The following CSMD3 variants were observed in gnomAD, a reference collection of about 807,000 sequenced individuals.
CSMD3 encodes CUB and Sushi multiple domains 3, also known as CUB and sushi domain-containing protein 3.
Under a neutral mutation model 435.2 loss-of-function variants are expected in CSMD3, and 177 were observed. That is an observed-to-expected ratio of 0.41 (90% CI 0.36 to 0.46). The LOEUF (loss-of-function observed/expected upper bound fraction) is 0.46. Among genes scored for constraint, CSMD3 ranks in the 20% least tolerant of loss-of-function variants. The probability of loss-of-function intolerance (pLI) is 0.34; values close to 1 mark genes in which losing one functional copy is unlikely to be tolerated. For missense variants in CSMD3, 4,265 were observed against 4,504.6 expected (o/e 0.95, Z 1.52); for synonymous variants, 1,656 against 1,520.5 (o/e 1.09, Z -2.07).
chr8:112,630,967 CACACACACACA>C (rs2074498643), intron 22 of CSMD3, among the ~76,000 whole-genome samples: 1 of 149,836 alleles, frequency 6.7e-6, no homozygotes, highest in Non-Finnish European at 1.5e-5. Flanking sequence ...CACACACACA[CACACACACACA>C]CACACACTCC....
chr8:112,559,273 A>G (rs1828401089), intron 24 of CSMD3, among the ~76,000 whole-genome samples: 1 of 151,932 alleles, frequency 6.6e-6, no homozygotes. Context: ...AAAGTTTGAG[A>G]TATGGGAGAT....
chr8:112,849,611 A>G (rs1055624441), intron 11 of CSMD3, among the ~76,000 whole-genome samples: 6 of 151,910 alleles, frequency 3.9e-5, no homozygotes, highest in Non-Finnish European at 7.4e-5. Context: ...TTTTCAGGCT[A>G]TAGTGGAATG....
chr8:112,687,241 A>G (rs974002087), intron 14 of CSMD3, among the ~76,000 whole-genome samples: 11 of 151,964 alleles, frequency 7.2e-5, no homozygotes, highest in Non-Finnish European at 1.3e-4. Flanking sequence ...TCCTCCATTG[A>G]TAAGAAAAAT....
chr8:112,437,369 T>C (rs927536016), intron 32 of CSMD3, among the ~76,000 whole-genome samples: 1 of 152,144 alleles, frequency 6.6e-6, no homozygotes, highest in African/African-American at 2.4e-5. Context: ...GTTCAATGTA[T>C]ACTTATTTAC....
chr8:112,549,287 A>G (rs1477350643), intron 27 of CSMD3, among the ~76,000 whole-genome samples: 1 of 152,070 alleles, frequency 6.6e-6, no homozygotes, highest in Non-Finnish European at 1.5e-5. Context: ...ACAAATATGA[A>G]GAATATTTCA....
chr8:112,386,793 G>A (rs370704551), intron 36 of CSMD3, among the ~76,000 whole-genome samples: 60 of 152,216 alleles, frequency 3.9e-4, no homozygotes, highest in Non-Finnish European at 5.6e-4. Context: ...CACCGCGCCC[G>A]GCCCAACTAA....
chr8:112,237,098 T>A, intron 67 of CSMD3, 92 bp downstream of exon 67: 1 of 1,388,082 alleles, frequency 7.2e-7, no homozygotes, highest in Non-Finnish European at 1.0e-6. Context: ...AAATAAACAT[T>A]TCACCATATA....
At chr8:112,791,497 T>G (rs72680215) in intron 13 of CSMD3, among the ~76,000 whole-genome samples, 8,477 of 152,192 alleles carry the variant, frequency 0.056, 294 homozygotes, top group Middle Eastern at 0.088. Context: ...TCCTTCTCTT[T>G]TTCATCTGGC....
chr8:112,714,567 A>G (rs866169590), intron 13 of CSMD3, among the ~76,000 whole-genome samples: 1 of 152,218 alleles, frequency 6.6e-6, no homozygotes. Context: ...GCTCTGGATC[A>G]GGTGGACCTA....
chr8:113,257,135 G>A (rs562392981), intron 3 of CSMD3, among the ~76,000 whole-genome samples: 9 of 152,168 alleles, frequency 5.9e-5, no homozygotes, highest in East Asian at 5.8e-4. Context: ...CGGGCCGGGC[G>A]CAGTGGCTCA....
intron 3 of CSMD3, among the ~76,000 whole-genome samples, chr8:113,232,067 AC>A (rs1279620331): frequency 6.6e-6 from 1 of 151,562 alleles, no homozygotes; most frequent in East Asian, 1.9e-4. Context: ...AAGAATTTAT[AC>A]CCTTGAAATT....
At chr8:112,400,659 A>G (rs534902924) in intron 35 of CSMD3, among the ~76,000 whole-genome samples, 2 of 152,098 alleles carry the variant, frequency 1.3e-5, no homozygotes, top group South Asian at 4.1e-4. Context: ...CTGAAGTGGA[A>G]TATCAGTAAT....
chr8:113,014,348 T>G (rs1266038353), intron 6 of CSMD3, among the ~76,000 whole-genome samples: 2 of 152,070 alleles, frequency 1.3e-5, no homozygotes, highest in Non-Finnish European at 2.9e-5. Flanking sequence ...ATAAATCCCC[T>G]TCTGCTTAAA....
chr8:113,360,277 G>A (rs1374835951), intron 1 of CSMD3, among the ~76,000 whole-genome samples: 1 of 152,064 alleles, frequency 6.6e-6, no homozygotes, highest in Non-Finnish European at 1.5e-5. Flanking sequence ...CCCTACTTCA[G>A]CCCTCTAGAG....
At chr8:113,006,905 G>C (rs1046311967) in intron 6 of CSMD3, among the ~76,000 whole-genome samples, 1 of 151,878 alleles carries the variant, frequency 6.6e-6, no homozygotes, top group South Asian at 2.1e-4. Flanking sequence ...GACATCCCAT[G>C]ACAAAATTAG....
intron 53 of CSMD3, among the ~76,000 whole-genome samples, chr8:112,296,355 T>A (rs898610719): frequency 6.6e-6 from 1 of 151,760 alleles, no homozygotes; most frequent in African/African-American, 2.4e-5. Context: ...ATTGAGACCA[T>A]CCTGGCTAAC....
chr8:113,220,786 G>A (rs866261697), intron 3 of CSMD3, among the ~76,000 whole-genome samples: 1 of 151,242 alleles, frequency 6.6e-6, no homozygotes, highest in Non-Finnish European at 1.5e-5. Flanking sequence ...CTATACAGTG[G>A]GGAAAATTGA....
intron 3 of CSMD3, among the ~76,000 whole-genome samples, chr8:113,217,213 T>TAA (rs11373229): frequency 5.9e-5 from 9 of 151,268 alleles, no homozygotes; most frequent in African/African-American, 1.7e-4. Flanking sequence ...GTTTCTGATG[T>TAA]AAAAAAACTC....
At chr8:113,132,753 A>G (rs2091315807) in intron 4 of CSMD3, among the ~76,000 whole-genome samples, 1 of 152,186 alleles carries the variant, frequency 6.6e-6, no homozygotes, top group Non-Finnish European at 1.5e-5. Flanking sequence ...CATTTTGGAA[A>G]CAGGAAATGC....
Sources: gnomAD v4.1 joint callset for allele counts (sites outside exome capture counted in the v4.1 genomes callset) on GRCh38, gnomAD v4.1.1 for gene constraint, MANE v1.5 for transcripts, NCBI Gene and HGNC (gene_info 2026-07-23, HGNC 2026-07-21) for gene names.